INPP4B: variants seen among roughly 807,000 people sequenced by gnomAD.
The protein encoded by INPP4B is inositol polyphosphate 4-phosphatase type II.
Under a neutral mutation model 122.5 loss-of-function variants are expected in INPP4B, and 55 were observed. That is an observed-to-expected ratio of 0.45 (90% CI 0.36 to 0.56). INPP4B has a LOEUF of 0.56. INPP4B is among the 20% of genes least tolerant of loss of function. The probability of loss-of-function intolerance (pLI) is 0.00; values close to 1 mark genes in which losing one functional copy is unlikely to be tolerated. For synonymous variants in INPP4B, 403 were observed against 388.7 expected (o/e 1.04, Z -0.43); for missense variants, 1,000 against 1,097.7 (o/e 0.91, Z 1.26).
intron 1 of INPP4B, among the ~76,000 whole-genome samples, chr4:142,793,488 T>C (rs1481061917): frequency 2.0e-5 from 3 of 152,066 alleles, no homozygotes; most frequent in Admixed American, 6.6e-5. Flanking sequence ...GACATGCTTG[T>C]TGCAGCAGCT....
intron 2 of INPP4B, among the ~76,000 whole-genome samples, chr4:142,588,725 A>C (rs972585544): frequency 6.6e-6 from 1 of 151,794 alleles, no homozygotes; most frequent in Non-Finnish European, 1.5e-5. Context: ...TCCCATGCTC[A>C]TAGATTGAAA....
At chr4:142,839,960 CA>C (rs1205499076) in intron 1 of INPP4B, among the ~76,000 whole-genome samples, 2 of 152,140 alleles carry the variant, frequency 1.3e-5, no homozygotes, top group Non-Finnish European at 2.9e-5. Flanking sequence ...ACATTCCAAC[CA>C]GACACTTAAA....
intron 25 of INPP4B, among the ~76,000 whole-genome samples, chr4:142,050,885 T>C (rs1754191359): frequency 6.6e-6 from 1 of 151,998 alleles, no homozygotes; most frequent in Non-Finnish European, 1.5e-5. Flanking sequence ...GGTCCACAGA[T>C]ACAACCAACC....
intron 12 of INPP4B, among the ~76,000 whole-genome samples, chr4:142,221,354 C>A (rs1849282541): frequency 7.4e-6 from 1 of 135,668 alleles, no homozygotes; most frequent in Non-Finnish European, 1.5e-5. Context: ...TGCACCACTG[C>A]ACTCCAGCCT....
intron 7 of INPP4B, among the ~76,000 whole-genome samples, chr4:142,327,933 T>C (rs1030781622): frequency 6.6e-6 from 1 of 152,282 alleles, no homozygotes; most frequent in Admixed American, 6.5e-5. Flanking sequence ...AACCCTCTCC[T>C]ATGTTGCCTA....
At chr4:142,320,439 G>T (rs1051569629) in intron 7 of INPP4B, among the ~76,000 whole-genome samples, 2 of 152,104 alleles carry the variant, frequency 1.3e-5, no homozygotes, top group Non-Finnish European at 1.5e-5. Flanking sequence ...AACTTCCATC[G>T]TGCTAAGACA....
intron 2 of INPP4B, among the ~76,000 whole-genome samples, chr4:142,480,925 A>G (rs1160763294): frequency 6.6e-6 from 1 of 152,048 alleles, no homozygotes; most frequent in Non-Finnish European, 1.5e-5. Context: ...TCACATAATA[A>G]AAGGTGAAAA....
Position 142,665,354 on chromosome 4 carries a change from C to T in INPP4B, c.-191+60485G>A, listed in dbSNP as rs929492753. Among the ~76,000 whole-genome samples the T allele has an allele frequency of 1.6e-4, 24 of 151,916 alleles. No individual in the cohort carries two copies. The Middle Eastern group carries it at 0.01, about 65-fold the overall frequency. Reference sequence around the variant, plus strand: ...AAAAGTACAAACAAAATTAACCGGGCGTGGTGGCAGGCACCTGTAGTCCCA... The same window carrying T: ...AAAAGTACAAACAAAATTAACCGGGTGTGGTGGCAGGCACCTGTAGTCCCA... On this transcript the variant is annotated intron_variant, in intron 2 of 25. Coordinates refer to ENST00000262992, the MANE Select transcript of INPP4B (RefSeq NM_001101669.3).
At chr4:142,491,532 T>C (rs1231212849) in intron 2 of INPP4B, among the ~76,000 whole-genome samples, 1 of 152,064 alleles carries the variant, frequency 6.6e-6, no homozygotes, top group Non-Finnish European at 1.5e-5. Flanking sequence ...TGGCACACAG[T>C]GGCAATCCCA....
chr4:142,669,191 T>C (rs1016624484), intron 2 of INPP4B, among the ~76,000 whole-genome samples: 1 of 152,190 alleles, frequency 6.6e-6, no homozygotes, highest in Non-Finnish European at 1.5e-5. Context: ...TGGAAAGATA[T>C]CCTGTGTTCT....
At chr4:142,823,910 G>T (rs1781101795) in intron 1 of INPP4B, among the ~76,000 whole-genome samples, 1 of 152,138 alleles carries the variant, frequency 6.6e-6, no homozygotes, top group Non-Finnish European at 1.5e-5. Flanking sequence ...GATTCTGGAA[G>T]AGATTAGCAC....
intron 5 of INPP4B, among the ~76,000 whole-genome samples, chr4:142,421,801 T>C (rs965029167): frequency 1.3e-5 from 2 of 152,130 alleles, no homozygotes; most frequent in Non-Finnish European, 2.9e-5. Context: ...TTTGATGCCA[T>C]TGTTACAATG....
At chr4:142,483,421 T>C (rs1820825307) in intron 2 of INPP4B, among the ~76,000 whole-genome samples, 1 of 152,034 alleles carries the variant, frequency 6.6e-6, no homozygotes, top group Non-Finnish European at 1.5e-5. Flanking sequence ...TCCCCCGAAC[T>C]CTCTGTGAGT....
At chr4:142,133,124 CCTTCA>C (rs1248486290) in intron 18 of INPP4B, among the ~76,000 whole-genome samples, 1 of 152,072 alleles carries the variant, frequency 6.6e-6, no homozygotes, top group African/African-American at 2.4e-5. Context: ...GTTGCTGGTT[CCTTCA>C]CTTATTTCTG....
intron 12 of INPP4B, among the ~76,000 whole-genome samples, chr4:142,236,368 A>G (rs148645777): frequency 1.7e-4 from 26 of 152,234 alleles, no homozygotes; most frequent in South Asian, 1.4e-3. Context: ...TATTGCCTAC[A>G]TTACCATGTC....
At chr4:142,442,146 C>T (rs79235480) in intron 3 of INPP4B, among the ~76,000 whole-genome samples, 4,560 of 152,082 alleles carry the variant, frequency 0.03, 240 homozygotes, top group African/African-American at 0.1. Flanking sequence ...CGGTGGCTCA[C>T]GCCTACCTGT....
At chr4:142,300,207 C>A (rs1407329131) in intron 9 of INPP4B, among the ~76,000 whole-genome samples, 1 of 152,178 alleles carries the variant, frequency 6.6e-6, no homozygotes, top group African/African-American at 2.4e-5. Context: ...GCCCTGTGGC[C>A]TATAAAACAT....
intron 1 of INPP4B, among the ~76,000 whole-genome samples, chr4:142,774,450 A>G (rs1417547171): frequency 6.6e-6 from 1 of 151,368 alleles, no homozygotes; most frequent in Non-Finnish European, 1.5e-5. Flanking sequence ...CTAAGTTGAA[A>G]TCTGCTCCCA....
chr4:142,501,590 T>C (rs917438334), intron 2 of INPP4B, among the ~76,000 whole-genome samples: 1 of 151,724 alleles, frequency 6.6e-6, no homozygotes, highest in Non-Finnish European at 1.5e-5. Flanking sequence ...ATAAATACAA[T>C]GTATCTAATA....
Sources: gnomAD v4.1 joint callset for allele counts (sites outside exome capture counted in the v4.1 genomes callset) on GRCh38, gnomAD v4.1.1 for gene constraint, MANE v1.5 for transcripts, NCBI Gene and HGNC (gene_info 2026-07-23, HGNC 2026-07-21) for gene names.